The following PDE1A variants were observed in gnomAD, a reference collection of about 807,000 sequenced individuals.
PDE1A encodes dual specificity calcium/calmodulin-dependent 3',5'-cyclic nucleotide phosphodiesterase 1A.
A neutral mutation model predicts 61.7 loss-of-function variants in PDE1A; 35 were observed. That is an observed-to-expected ratio of 0.57 (90% CI 0.43 to 0.75). The LOEUF is 0.75. Among genes scored for constraint, PDE1A ranks in the 30% least tolerant of loss-of-function variants. The probability of loss-of-function intolerance (pLI) is 0.00; values close to 1 mark genes in which losing one functional copy is unlikely to be tolerated. For synonymous variants in PDE1A, 232 were observed against 213.2 expected (o/e 1.09, Z -0.77); for missense variants, 597 against 630.6 (o/e 0.95, Z 0.57).
chr2:182,494,733 C>T (rs1054369945), intron 2 of PDE1A, among the ~76,000 whole-genome samples: 11 of 152,046 alleles, frequency 7.2e-5, no homozygotes, highest in Non-Finnish European at 1.6e-4. Context: ...ACCCTCCCTC[C>T]CAAGCCCAGG....
At chr2:182,379,143 G>A (rs533440455) in intron 1 of PDE1A, among the ~76,000 whole-genome samples, 32 of 152,154 alleles carry the variant, frequency 2.1e-4, no homozygotes, top group African/African-American at 5.8e-4. Context: ...AACAACTTCC[G>A]TTTTTTCAAC....
At chr2:182,630,861 C>CT in the PDE1A span, among the ~76,000 whole-genome samples, 12 of 152,084 alleles carry the variant, frequency 7.9e-5, no homozygotes, top group Non-Finnish European at 1.6e-4. Context: ...ACCAAAATTT[C>CT]TTTTTTCCTT....
At chr2:182,646,083 AAAC>A in the PDE1A span, among the ~76,000 whole-genome samples, 1 of 152,182 alleles carries the variant, frequency 6.6e-6, no homozygotes, top group African/African-American at 2.4e-5. Flanking sequence ...AAAAGAAAGA[AAAC>A]AACCTTCAGC....
At chr2:182,227,492 C>G (rs538320502) in intron 6 of PDE1A, among the ~76,000 whole-genome samples, 7 of 151,898 alleles carry the variant, frequency 4.6e-5, no homozygotes, top group Non-Finnish European at 7.4e-5. Context: ...TTTCTCTATT[C>G]CTTTGAATAG....
chr2:182,496,216 C>G (rs1271555310), intron 2 of PDE1A, among the ~76,000 whole-genome samples: 1 of 151,978 alleles, frequency 6.6e-6, no homozygotes, highest in African/African-American at 2.4e-5. Context: ...TAATATTAAA[C>G]TAGGCTACAA....
At chr2:182,689,172 G>A in the PDE1A span, among the ~76,000 whole-genome samples, 43 of 152,180 alleles carry the variant, frequency 2.8e-4, no homozygotes, top group Non-Finnish European at 5.7e-4. Context: ...TCTGCACCAA[G>A]CAGACTTAAT....
chr2:182,510,028 AT>A (rs550084598), intron 2 of PDE1A, among the ~76,000 whole-genome samples: 1 of 152,122 alleles, frequency 6.6e-6, no homozygotes, highest in African/African-American at 2.4e-5. Flanking sequence ...AGATTTTACT[AT>A]TTTTTTCATG....
At chr2:182,140,737 T>C (rs1046388004) in exon 15 of PDE1A, 2 of 152,212 alleles carry the variant, frequency 1.3e-5, no homozygotes, top group Admixed American at 6.5e-5. Context: ...ACAGTAATGT[T>C]TGCAGAAAGA....
chr2:182,278,431 T>C (rs1014849562), intron 1 of PDE1A, among the ~76,000 whole-genome samples: 3 of 152,064 alleles, frequency 2.0e-5, no homozygotes, highest in African/African-American at 7.2e-5. Flanking sequence ...TTCTATGTTT[T>C]GGTAGACTAA....
chr2:182,410,078 A>T (rs542992310), intron 1 of PDE1A, among the ~76,000 whole-genome samples: 33 of 152,202 alleles, frequency 2.2e-4, no homozygotes, highest in Non-Finnish European at 4.0e-4. Context: ...CAGGCCAGAC[A>T]TGGTGGCTTA....
chr2:182,158,241 A>T (rs1559122549), intron 13 of PDE1A, among the ~76,000 whole-genome samples: 1 of 152,314 alleles, frequency 6.6e-6, no homozygotes, highest in East Asian at 1.9e-4. Flanking sequence ...TTAGTCACAA[A>T]GTACTTTATT....
At chr2:182,695,621 C>G in the PDE1A span, among the ~76,000 whole-genome samples, 1 of 136,108 alleles carries the variant, frequency 7.3e-6, no homozygotes, top group African/African-American at 2.8e-5. Context: ...GAGCCGAGAT[C>G]GCGCCACTGC....
At chr2:182,426,446 G>T (rs1703626362) in intron 1 of PDE1A, 132 bp downstream of exon 1, 2 of 636,724 alleles carry the variant, frequency 3.1e-6, no homozygotes, top group African/African-American at 1.8e-5. Flanking sequence ...CCCTCAGTAT[G>T]CCTGAAGTTA....
At chr2:182,604,792 C>T in the PDE1A span, among the ~76,000 whole-genome samples, 1 of 151,984 alleles carries the variant, frequency 6.6e-6, no homozygotes, top group Non-Finnish European at 1.5e-5. Context: ...TTTTGAAAGC[C>T]AGGTTATATT....
the PDE1A span, among the ~76,000 whole-genome samples, chr2:182,547,657 A>G: frequency 1.3e-5 from 2 of 152,194 alleles, no homozygotes; most frequent in Admixed American, 6.5e-5. Context: ...ATAAATCTAC[A>G]TTAATTTACA....
At chr2:182,171,815 A>G (rs1296738430) in intron 13 of PDE1A, among the ~76,000 whole-genome samples, 1 of 151,254 alleles carries the variant, frequency 6.6e-6, no homozygotes, top group East Asian at 1.9e-4. Flanking sequence ...CATACCTTGT[A>G]TCCAAAGACT....
chr2:182,391,332 G>A (rs562747415), intron 1 of PDE1A, among the ~76,000 whole-genome samples: 5 of 152,166 alleles, frequency 3.3e-5, no homozygotes, highest in East Asian at 1.9e-4. Context: ...GTTAAAAAAC[G>A]TTCTAATAGT....
the PDE1A span, among the ~76,000 whole-genome samples, chr2:182,698,067 C>T: frequency 6.6e-6 from 1 of 152,168 alleles, no homozygotes; most frequent in African/African-American, 2.4e-5. Flanking sequence ...TCTCAGGCAT[C>T]AGAAGAGCAG....
the PDE1A span, among the ~76,000 whole-genome samples, chr2:182,657,246 C>G: frequency 6.6e-6 from 1 of 152,060 alleles, no homozygotes; most frequent in African/African-American, 2.4e-5. Flanking sequence ...ACAAACAACA[C>G]AACTATATTA....
Sources: allele counts gnomAD v4.1 joint callset (sites outside exome capture counted in the v4.1 genomes callset), GRCh38; gene constraint gnomAD v4.1.1; transcripts MANE v1.5; gene names NCBI Gene and HGNC (gene_info 2026-07-23, HGNC 2026-07-21).